NUDT18: variants seen among roughly 807,000 people sequenced by gnomAD.
NUDT18 encodes 8-oxo-dGDP phosphatase NUDT18.
NUDT18 carries 26 observed loss-of-function variants against 27.6 expected under a neutral mutation model. The ratio of observed to expected loss-of-function variants is 0.94; its 90% CI spans 0.69 to 1.31. NUDT18 has a LOEUF of 1.31. Among genes scored for constraint, NUDT18 ranks in the 50% most tolerant of loss-of-function variants. The pLI is 0.00. For missense variants in NUDT18, 450 were observed against 433.4 expected (o/e 1.04, Z -0.34); for synonymous variants, 220 against 196.9 (o/e 1.12, Z -0.98).
At position 22,109,403 on chromosome 8, in the gene NUDT18, G is replaced by T. The variant is rs982181936; in HGVS notation, c.-103C>A. On this transcript the variant is annotated 5_prime_UTR_variant, in exon 1 of 3. Transcript: ENST00000611621. ...CCCGCTCCCAGTCCCTGCGGCAGCGGGCCGGGAGCTCACGAGAACGCGGAA... is the reference window on the plus strand; with the variant it reads ...CCCGCTCCCAGTCCCTGCGGCAGCGTGCCGGGAGCTCACGAGAACGCGGAA... 3.5e-6 allele frequency: 4 copies of T among 1,138,142 alleles called. No homozygotes were observed. The highest frequency in any genetic ancestry group is 3.3e-5 in the East Asian group (1 of 30,076). The allele number at this position is 1,138,142 out of a possible 1,614,324, so 70.5% of individuals were successfully genotyped here.
In NUDT18 at chr8:22,108,242, C is replaced by T; in HGVS notation, c.267G>A (p.Gln89=). 6.3e-7 allele frequency: 1 copy of T among 1,598,764 alleles called. No homozygotes were observed. Among genetic ancestry groups the T allele is most frequent in the Non-Finnish European group, 8.5e-7 (1 of 1,173,382 alleles). The change falls in exon 2 of 3, where the codon CAG becomes CAA. Residue 89 remains glutamine (Q), a synonymous_variant. Coordinates refer to ENST00000611621, the MANE Select transcript of NUDT18 (RefSeq NM_024815.4). ...EPGETIVEAL[Q]REVKEEAGLH... is the part of the protein sequence containing the mutation. ...GCCCCGCCTCCTCCTTCACCTCCCG[C>T]TGCAGCGCCTCCACGATGGTCTCCC...
upstream of NUDT18, chr8:22,109,509 C>T (rs1040822559): frequency 2.5e-5 from 12 of 471,868 alleles, no homozygotes; most frequent in Non-Finnish European, 3.7e-5. Flanking sequence ...GATTGGCCGG[C>T]CCGCGGCATT....
chr8:22,108,317 C>G lies in NUDT18; in HGVS notation c.192G>C (p.Lys64Asn). 1.3e-6 allele frequency: 2 copies of G among 1,584,810 alleles called. No homozygotes were observed. Among genetic ancestry groups the G allele is most frequent in the Middle Eastern group, 1.7e-4 (1 of 6,022 alleles). ...QDEVLLIQEA[K>N]RECRGSWYLP... ...GGTACCACGACCCCCGGCACTCCCT[C>G]TTGGCCTCCTGGATCAGTAGCACCT... Residue 64 changes from lysine (K) to asparagine (N), a missense_variant, in exon 2 of 3, where the codon AAG (lysine) becomes AAC (asparagine). Transcript: ENST00000611621.
Position 22,107,166 on chromosome 8 carries a change from G to A in NUDT18, c.*134C>T. On this transcript the variant is annotated 3_prime_UTR_variant, in exon 3 of 3. Transcript: ENST00000611621. ...AATGCTCCTCAAAGCATCTCTCCTG[G>A]GGACCAGGAGAGCCGCCCCTGCTCC... 1.5e-6 allele frequency: 1 copy of A among 650,208 alleles called. No individual in the cohort carries two copies. Among genetic ancestry groups the A allele is most frequent in the Non-Finnish European group, 2.7e-6 (1 of 377,210 alleles). The allele number at this position is 650,208 out of a possible 1,614,324, so 40.3% of individuals were successfully genotyped here. A position where few individuals can be genotyped will look rare whatever the true frequency, so the allele number is the denominator to read the frequency against.
In NUDT18 at chr8:22,107,228, TC is replaced by T; in HGVS notation, c.*71del. On this transcript the variant is annotated 3_prime_UTR_variant, in exon 3 of 3. Coordinates refer to ENST00000611621, the MANE Select transcript of NUDT18 (RefSeq NM_024815.4). Reference sequence around the variant, plus strand: ...GATCCCTGATCGCCAGCCTCTTGCCTCCCTCAGAGGGAGACAAGTCCGCACT... The same window carrying T: ...GATCCCTGATCGCCAGCCTCTTGCCTCCTCAGAGGGAGACAAGTCCGCACT... 1 of 1,213,154 alleles carries T rather than the reference TC, an allele frequency of 8.2e-7. No individual in the cohort carries two copies. The highest frequency in any genetic ancestry group is 1.1e-6 in the Non-Finnish European group (1 of 878,890). 75.1% of individuals were successfully genotyped at this position (1,213,154 alleles called of 1,614,324 possible).
At chr8:22,108,005 G>T in intron 2 of NUDT18, 110 bp from the exon 3 acceptor site, 1 of 1,352,166 alleles carries the variant, frequency 7.4e-7, no homozygotes, top group Non-Finnish European at 9.9e-7. Flanking sequence ...CAGCCCAAAG[G>T]CTGGAATCTG....
chr8:22,107,051 A>G lies in NUDT18; in HGVS notation c.*249T>C, dbSNP rs963549313. The G allele has an allele frequency of 1.3e-5, 6 of 456,524 alleles. No homozygotes were observed. The highest frequency in any genetic ancestry group is 4.0e-5 in the African/African-American group (2 of 50,544). The allele number at this position is 456,524 out of a possible 1,614,324, so 28.3% of individuals were successfully genotyped here. A position where few individuals can be genotyped will look rare whatever the true frequency, so the allele number is the denominator to read the frequency against. On this transcript the variant is annotated 3_prime_UTR_variant, in exon 3 of 3. Coordinates refer to ENST00000611621, the MANE Select transcript of NUDT18 (RefSeq NM_024815.4). ...CAGAAAGCTCCCCATCCCCCTGGGA[A>G]GAGGCGTCAGCGTGCCCTCAGGGTA...
chr8:22,108,163 C>A lies in NUDT18; in HGVS notation c.346G>T (p.Val116Phe). ...LSVEERGPSW[V>F]RFVFLARPTG... ...GGGCGAGCGAGGAACACGAAGCGGACCCAGGAGGGGCCCCGCTCCTCCACG... is the reference window on the plus strand; with the variant it reads ...GGGCGAGCGAGGAACACGAAGCGGAACCAGGAGGGGCCCCGCTCCTCCACG... The change falls in exon 2 of 3, where the codon GTC (valine) becomes TTC (phenylalanine). Residue 116 changes from valine to phenylalanine, a missense_variant. Val to Phe is a conservative substitution (Grantham distance 50). Coordinates refer to ENST00000611621, the MANE Select transcript of NUDT18 (RefSeq NM_024815.4). The A allele has an allele frequency of 6.4e-7, 1 of 1,555,570 alleles. No individual in the cohort carries two copies. Among genetic ancestry groups the A allele is most frequent in the Non-Finnish European group, 8.7e-7 (1 of 1,150,880 alleles).
In NUDT18 at chr8:22,107,867, G is replaced by C. The variant is rs771299716; in HGVS notation, c.405C>G (p.Ala135=). The part of the protein sequence containing the change: ...TGGILKTSKE[A]DAESLQAAWY... ...AGGCAGCCTGCAGGGACTCCGCATC[G>C]GCCTCCTTGGAAGTCTTGAGAATTC... The change falls in exon 3 of 3, where the codon GCC becomes GCG. Residue 135 remains alanine (A), a synonymous_variant. Coordinates refer to ENST00000611621, the MANE Select transcript of NUDT18 (RefSeq NM_024815.4). 6 of 1,593,574 alleles carry C rather than the reference G, an allele frequency of 3.8e-6. No homozygotes were observed. In the South Asian group the frequency reaches 6.8e-5, roughly 18 times the overall value.
rs1363589592 is a variant in NUDT18, at chr8:22,108,301, A to G, written c.208T>C (p.Ser70Pro). 2.5e-6 allele frequency: 4 copies of G among 1,587,746 alleles called. No individual in the cohort carries two copies. The highest frequency in any genetic ancestry group is 2.6e-6 in the Non-Finnish European group (3 of 1,169,008). Residue 70 changes from serine (S) to proline (P), a missense_variant, in exon 2 of 3, where the codon TCG becomes CCG. Transcript: ENST00000611621. ...ATTCTCCCCGCAGGCAGGTACCACG[A>G]CCCCCGGCACTCCCTCTTGGCCTCC... ...IQEAKRECRGSWYLPAGRMEP... is the reference protein window; with the variant it reads ...IQEAKRECRGPWYLPAGRMEP...
chr8:22,109,248 C>A lies in NUDT18; in HGVS notation c.53G>T (p.Gly18Val). 1 of 1,417,008 alleles carries A rather than the reference C, an allele frequency of 7.1e-7. No homozygotes were observed. The highest frequency in any genetic ancestry group is 9.2e-7 in the Non-Finnish European group (1 of 1,092,830). The allele number at this position is 1,417,008 out of a possible 1,614,324, so 87.8% of individuals were successfully genotyped here. A position where few individuals can be genotyped will look rare whatever the true frequency, so the allele number is the denominator to read the frequency against. The change falls in exon 1 of 3, where the codon GGG (glycine) becomes GTG (valine). Residue 18 changes from glycine (G) to valine (V), a missense_variant. Coordinates refer to ENST00000611621, the MANE Select transcript of NUDT18 (RefSeq NM_024815.4). The part of the protein sequence containing the change: ...GALASVLAGQ[G>V]SSVHSCDSAP... Reference sequence around the variant, plus strand: ...CGAGTCGCAGCTGTGCACGCTGGACCCCTGGCCAGCCAGCACGGAAGCCAG... The same window carrying A: ...CGAGTCGCAGCTGTGCACGCTGGACACCTGGCCAGCCAGCACGGAAGCCAG...
intron 1 of NUDT18, 68 bp downstream of exon 1, chr8:22,109,071 G>A: frequency 8.1e-7 from 1 of 1,233,888 alleles, no homozygotes; most frequent in South Asian, 2.0e-5. Flanking sequence ...TGGCCGTTGG[G>A]TCTTCTGTCC....
chr8:22,107,359 G>A lies in NUDT18; in HGVS notation c.913C>T (p.Leu305=). 1 of 1,613,518 alleles carries A rather than the reference G, an allele frequency of 6.2e-7. No homozygotes were observed. Among genetic ancestry groups the A allele is most frequent in the Non-Finnish European group, 8.5e-7 (1 of 1,179,786 alleles). ...AGCCGCTGGAGGAGCTGGCTTTGCAGGTCTTCCTCCATCACCTTCCACCAA... is the reference window on the plus strand; with the variant it reads ...AGCCGCTGGAGGAGCTGGCTTTGCAAGTCTTCCTCCATCACCTTCCACCAA... ...FSWWKVMEED[L]QSQLLQRLQG... The change falls in exon 3 of 3, where the codon CTG becomes TTG. Residue 305 remains leucine (L), a synonymous_variant. Transcript: ENST00000611621.
chr8:22,109,376 A>AG lies in NUDT18; in HGVS notation c.-77dup. ...AGCCGCGGGCTAGAGTGCGCTGCGG[A>AG]GCCCGCTCCCAGTCCCTGCGGCAGC... is the stretch of plus-strand genomic sequence containing the variant. On this transcript the variant is annotated 5_prime_UTR_variant, in exon 1 of 3. Transcript: ENST00000611621. The AG allele has an allele frequency of 7.6e-7, 1 of 1,307,262 alleles. No individual in the cohort carries two copies. Among genetic ancestry groups the AG allele is most frequent in the Non-Finnish European group, 9.8e-7 (1 of 1,024,328 alleles). 81.0% of individuals were successfully genotyped at this position (1,307,262 alleles called of 1,614,324 possible). A position where few individuals can be genotyped will look rare whatever the true frequency, so the allele number is the denominator to read the frequency against.
Position 22,107,773 on chromosome 8 carries a change from C to T in NUDT18, c.499G>A (p.Ala167Thr). The change falls in exon 3 of 3, where the codon GCC becomes ACC. Residue 167 changes from alanine to threonine, a missense_variant. Coordinates refer to ENST00000611621, the MANE Select transcript of NUDT18 (RefSeq NM_024815.4). ...TGCCTGGCTTGCTGGCGATACTGGGCGGCTAGTTCAACCAGGTGCAGGATG... is the reference window on the plus strand; with the variant it reads ...TGCCTGGCTTGCTGGCGATACTGGGTGGCTAGTTCAACCAGGTGCAGGATG... ...HDILHLVELA[A>T]QYRQQARHPL... 4 of 1,613,508 alleles carry T rather than the reference C, an allele frequency of 2.5e-6. No homozygotes were observed. The South Asian group carries it at 3.3e-5, about 13-fold the overall frequency.
At chr8:22,109,998 C>G (rs1417153938), upstream of NUDT18, 2 of 259,842 alleles carry the variant, frequency 7.7e-6, no homozygotes, top group Non-Finnish European at 1.5e-5. Context: ...GCTGAGGGTT[C>G]GAGGCTAAGT....
rs1826429422 is a variant in NUDT18, at chr8:22,109,387, A to C, written c.-87T>G. The C allele has an allele frequency of 7.8e-7, 1 of 1,277,712 alleles. No individual in the cohort carries two copies. The highest frequency in any genetic ancestry group is 1.0e-6 in the Non-Finnish European group (1 of 998,290). The allele number at this position is 1,277,712 out of a possible 1,614,324, so 79.1% of individuals were successfully genotyped here. ...AGAGTGCGCTGCGGAGCCCGCTCCCAGTCCCTGCGGCAGCGGGCCGGGAGC... is the reference window on the plus strand; with the variant it reads ...AGAGTGCGCTGCGGAGCCCGCTCCCCGTCCCTGCGGCAGCGGGCCGGGAGC... On this transcript the variant is annotated 5_prime_UTR_variant, in exon 1 of 3. Coordinates refer to ENST00000611621, the MANE Select transcript of NUDT18 (RefSeq NM_024815.4).
At position 22,109,196 on chromosome 8, in the gene NUDT18, G is replaced by C. The variant is rs1403438055; in HGVS notation, c.105C>G (p.Pro35=). Residue 35 remains proline (P), a synonymous_variant, in exon 1 of 3, where the codon CCC becomes CCG. Transcript: ENST00000611621. ...DSAPAGEPPA[P]VRLRKNVCYV... is the part of the protein sequence containing the mutation. ...AGCACACGTTCTTCCGCAGCCGCAC[G>C]GGCGCCGGCGGCTCCCCGGCCGGCG... The C allele has an allele frequency of 6.7e-5, 97 of 1,448,268 alleles. No homozygotes were observed. The South Asian group carries it at 7.7e-4, about 11-fold the overall frequency. The allele number at this position is 1,448,268 out of a possible 1,614,324, so 89.7% of individuals were successfully genotyped here. A position where few individuals can be genotyped will look rare whatever the true frequency, so the allele number is the denominator to read the frequency against.
upstream of NUDT18, among the ~76,000 whole-genome samples, chr8:22,110,286 G>C (rs1826449201): frequency 6.6e-6 from 1 of 152,198 alleles, no homozygotes; most frequent in Admixed American, 6.5e-5. Context: ...AGAGCAGGGT[G>C]GGGGTGGTTG....
Sources: gnomAD v4.1 joint callset for allele counts (sites outside exome capture counted in the v4.1 genomes callset) on GRCh38, gnomAD v4.1.1 for gene constraint, MANE v1.5 for transcripts, NCBI Gene and HGNC (gene_info 2026-07-23, HGNC 2026-07-21) for gene names.